The following PEAR1 variants were observed in gnomAD, a reference collection of about 807,000 sequenced individuals.
The protein encoded by PEAR1 is multiple EGF-like domains protein 12.
A neutral mutation model predicts 131.2 loss-of-function variants in PEAR1; 113 were observed. That is an observed-to-expected ratio of 0.86 (90% CI 0.74 to 1.01). The LOEUF is 1.01. PEAR1 is among the 50% of genes least tolerant of loss of function. PEAR1 has a pLI of 0.00. For synonymous variants in PEAR1, 565 were observed against 523.3 expected (o/e 1.08, Z -1.09); for missense variants, 1,408 against 1,391.1 (o/e 1.01, Z -0.19).
intron 1 of PEAR1, among the ~76,000 whole-genome samples, chr1:156,901,106 GT>G (rs1649635995): frequency 6.6e-6 from 1 of 152,176 alleles, no homozygotes; most frequent in Admixed American, 6.5e-5. Context: ...CATCTCATCT[GT>G]CCCCTCCCGG....
rs772824850 is a variant in PEAR1, at chr1:156,914,053, C to T, written c.2915C>T (p.Pro972Leu). ...WDSQRRRQPQ[P>L]QRDSGTYEQP... Reference sequence around the variant, plus strand: ...AGCCAGAGGCGGCGGCAACCCCAGCCACAGAGAGACAGTGGCACCTACGAG... The same window carrying T: ...AGCCAGAGGCGGCGGCAACCCCAGCTACAGAGAGACAGTGGCACCTACGAG... Residue 972 changes from proline to leucine, a missense_variant, in exon 22 of 23, where the codon CCA (proline) becomes CTA (leucine). Physicochemically the swap from Pro to Leu is moderately conservative, Grantham distance 98 (BLOSUM62 -3). Transcript: ENST00000292357. 4.4e-6 allele frequency: 7 copies of T among 1,608,052 alleles called. No individual in the cohort carries two copies. In the South Asian group the frequency reaches 7.8e-5, roughly 18 times the overall value.
rs1057327665 is a variant in PEAR1 at position 156,914,003 on chromosome 1, C to G, written c.2865C>G (p.Pro955=). 2 of 1,612,942 alleles carry G rather than the reference C, an allele frequency of 1.2e-6. No homozygotes were observed. The highest frequency in any genetic ancestry group is 1.1e-5 in the South Asian group (1 of 90,836). ...AAGGCCCTCCCTCAGGATCTCCCCC[C>G]AGGCAGCCTCCTCAGTTCTGGGACA... The part of the protein sequence containing the change: ...EMKGPPSGSP[P]RQPPQFWDSQ... Residue 955 remains proline, a synonymous_variant, in exon 22 of 23, where the codon CCC becomes CCG. Coordinates refer to ENST00000292357, the MANE Select transcript of PEAR1 (RefSeq NM_001080471.3).
intron 1 of PEAR1, among the ~76,000 whole-genome samples, chr1:156,897,721 G>A (rs915463579): frequency 5.3e-5 from 8 of 152,252 alleles, no homozygotes; most frequent in African/African-American, 1.9e-4. Context: ...AGCCACTGAG[G>A]GGCTTCTTGG....
At position 156,910,072 on chromosome 1, in the gene PEAR1, G is replaced by A. The variant is rs1650874826; in HGVS notation, c.1642G>A (p.Val548Ile). ...DCDHSDGCDP[V>I]HGRCQCQAGW... is the part of the protein sequence containing the mutation. ...TGACCACTCTGATGGCTGTGACCCT[G>A]TTCATGGACGCTGTCAGTGCCAGGC... The change falls in exon 13 of 23, where the codon GTT (valine) becomes ATT (isoleucine). Residue 548 changes from valine to isoleucine, a missense_variant. Coordinates refer to ENST00000292357, the MANE Select transcript of PEAR1 (RefSeq NM_001080471.3). 1 of 1,614,048 alleles carries A rather than the reference G, an allele frequency of 6.2e-7. No homozygotes were observed. Among genetic ancestry groups the A allele is most frequent in the African/African-American group, 1.3e-5 (1 of 74,936 alleles).
chr1:156,896,807 G>T (rs1458264071), intron 1 of PEAR1, among the ~76,000 whole-genome samples: 1 of 152,194 alleles, frequency 6.6e-6, no homozygotes, highest in Non-Finnish European at 1.5e-5. Context: ...TGGAGCTGTT[G>T]TGCACTCATC....
chr1:156,897,494 T>C (rs148591218), intron 1 of PEAR1, among the ~76,000 whole-genome samples: 1,991 of 152,298 alleles, frequency 0.013, 43 homozygotes, highest in African/African-American at 0.045. Flanking sequence ...TCCGCTTGCT[T>C]CCAGAGGAGG....
intron 15 of PEAR1, among the ~76,000 whole-genome samples, chr1:156,911,948 C>T (rs1335794420): frequency 6.6e-6 from 1 of 152,166 alleles, no homozygotes; most frequent in Non-Finnish European, 1.5e-5. Context: ...AACAAAAATC[C>T]ATCCGGGGTA....
rs565338002 is a variant in PEAR1 at position 156,915,537 on chromosome 1, G to C, written c.*739G>C. The C allele has an allele frequency of 3.3e-5, 5 of 152,414 alleles. No individual in the cohort carries two copies. The East Asian group carries it at 9.6e-4, about 29-fold the overall frequency. 9.4% of individuals were successfully genotyped at this position (152,414 alleles called of 1,614,324 possible). Reference sequence around the variant, plus strand: ...GCACAGGGACCTGCACACCTGGAGTGCCCTTCCTCCCCCACTCGCCTGTTC... The same window carrying C: ...GCACAGGGACCTGCACACCTGGAGTCCCCTTCCTCCCCCACTCGCCTGTTC... On this transcript the variant is annotated 3_prime_UTR_variant, in exon 23 of 23. Transcript: ENST00000292357.
At chr1:156,905,160 G>C (rs1650124715) in intron 3 of PEAR1, among the ~76,000 whole-genome samples, 164 bp from the exon 4 acceptor site, 1 of 152,130 alleles carries the variant, frequency 6.6e-6, no homozygotes, top group Non-Finnish European at 1.5e-5. Flanking sequence ...CTGGAGTGCA[G>C]TGGCGAGATC....
intron 11 of PEAR1, 87 bp from the exon 12 acceptor site, chr1:156,909,664 T>C (rs780075882): frequency 2.9e-4 from 400 of 1,383,102 alleles, no homozygotes; most frequent in Admixed American, 4.5e-4. Context: ...GCTCATAGCA[T>C]AGAATCTGGC....
chr1:156,901,790 A>T (rs1649709014), intron 1 of PEAR1, among the ~76,000 whole-genome samples: 1 of 144,926 alleles, frequency 6.9e-6, no homozygotes, highest in South Asian at 2.4e-4. Context: ...ACTGAGGGAG[A>T]GGTGGAGAGA....
chr1:156,897,590 A>C (rs1649284092), intron 1 of PEAR1, among the ~76,000 whole-genome samples: 1 of 152,220 alleles, frequency 6.6e-6, no homozygotes, highest in African/African-American at 2.4e-5. Context: ...AGCCAGCCTC[A>C]GGGCATTCAG....
chr1:156,912,108 G>A, intron 15 of PEAR1, 139 bp from the exon 16 acceptor site: 1 of 1,058,706 alleles, frequency 9.4e-7, no homozygotes, highest in Admixed American at 3.2e-5. Flanking sequence ...GTGAGTCATT[G>A]GTTGCAGATA....
chr1:156,894,658 G>A (rs902690732), intron 1 of PEAR1, among the ~76,000 whole-genome samples: 3 of 152,186 alleles, frequency 2.0e-5, no homozygotes, highest in African/African-American at 7.2e-5. Context: ...CCAGGCCCCA[G>A]CAAGGCAACC....
intron 22 of PEAR1, 73 bp from the exon 23 acceptor site, chr1:156,914,574 G>C: frequency 6.9e-7 from 1 of 1,450,322 alleles, no homozygotes; most frequent in East Asian, 2.3e-5. Context: ...GGAGAGGAGT[G>C]CAGTGGGAGT....
At chr1:156,905,287 C>T (rs1268576049) in intron 3 of PEAR1, 37 bp from the exon 4 acceptor site, 3 of 1,593,910 alleles carry the variant, frequency 1.9e-6, no homozygotes, top group Admixed American at 1.7e-5. Flanking sequence ...GTGCGGACAG[C>T]AGGGAGGGCT....
intron 6 of PEAR1, among the ~76,000 whole-genome samples, chr1:156,907,369 C>A (rs1043759338): frequency 6.6e-6 from 1 of 152,080 alleles, no homozygotes; most frequent in African/African-American, 2.4e-5. Flanking sequence ...GAGGTGGGGG[C>A]GCCCGAGAGG....
Position 156,913,291 on chromosome 1 carries a change from C to G in PEAR1, c.2511+9C>G. ...CCCCACCCCCTAACAAGGTCAGTGC[C>G]GGGGGAGGGGGTGCACTGTGGAGGG... On this transcript the variant is annotated intron_variant, in intron 19 of 22. Coordinates refer to ENST00000292357, the MANE Select transcript of PEAR1 (RefSeq NM_001080471.3). 1.2e-6 allele frequency: 2 copies of G among 1,601,936 alleles called. No homozygotes were observed. Among genetic ancestry groups the G allele is most frequent in the Middle Eastern group, 1.7e-4 (1 of 6,004 alleles).
In PEAR1 at chr1:156,908,367, G is replaced by T; in HGVS notation, c.1115+27G>T. On this transcript the variant is annotated intron_variant, in intron 9 of 22. Coordinates refer to ENST00000292357, the MANE Select transcript of PEAR1 (RefSeq NM_001080471.3). The surrounding 1 kb of genome is among the most constrained non-coding windows in gnomAD (Gnocchi z 4.2). Reference sequence around the variant, plus strand: ...TGGGCCGCGGGACATGTGGTCAAAGGATCAGGAGGCCAATGGGGAGGTCTT... The same window carrying T: ...TGGGCCGCGGGACATGTGGTCAAAGTATCAGGAGGCCAATGGGGAGGTCTT... 4 of 1,477,990 alleles carry T rather than the reference G, an allele frequency of 2.7e-6. 1 individual carries two copies. The highest frequency in any genetic ancestry group is 3.5e-4 in the Middle Eastern group (2 of 5,688). The allele number at this position is 1,477,990 out of a possible 1,614,324, so 91.6% of individuals were successfully genotyped here. A position where few individuals can be genotyped will look rare whatever the true frequency, so the allele number is the denominator to read the frequency against.
Sources: allele counts gnomAD v4.1 joint callset (sites outside exome capture counted in the v4.1 genomes callset), GRCh38; gene constraint gnomAD v4.1.1; non-coding constraint Gnocchi (gnomAD v3.1); transcripts MANE v1.5; gene names NCBI Gene and HGNC (gene_info 2026-07-23, HGNC 2026-07-21).